Variants in CUL3 observed in about 807,000 individuals in gnomAD.
The protein encoded by CUL3 is cullin 3.
CUL3 carries 19 observed loss-of-function variants against 89.1 expected under a neutral mutation model. That is an observed-to-expected ratio of 0.21 (90% CI 0.15 to 0.31). The LOEUF (loss-of-function observed/expected upper bound fraction) is 0.31. Ranked by LOEUF, CUL3 falls within the 10% of genes least tolerant of loss-of-function variation. The probability of loss-of-function intolerance (pLI) is 1.00; values close to 1 mark genes in which losing one functional copy is unlikely to be tolerated. For missense variants in CUL3, 469 were observed against 942.3 expected (o/e 0.50, Z 6.58); for synonymous variants, 351 against 308.4 (o/e 1.14, Z -1.45).
intron 13 of CUL3, among the ~76,000 whole-genome samples, chr2:224,482,902 CTT>C (rs1391876852): frequency 6.6e-6 from 1 of 152,126 alleles, no homozygotes; most frequent in Non-Finnish European, 1.5e-5. Flanking sequence ...CTATCTGTCT[CTT>C]TCTCAAAAGC....
chr2:224,517,760 A>G (rs1693116167), intron 3 of CUL3, among the ~76,000 whole-genome samples: 1 of 152,194 alleles, frequency 6.6e-6, no homozygotes, highest in Non-Finnish European at 1.5e-5. Flanking sequence ...CATGAACTAG[A>G]GGCATTTGTG....
At chr2:224,575,433 G>C (rs903159690) in intron 1 of CUL3, among the ~76,000 whole-genome samples, 8 of 152,134 alleles carry the variant, frequency 5.3e-5, no homozygotes, top group African/African-American at 1.9e-4. Flanking sequence ...GCTATTTCTG[G>C]CCTTGTTCTG....
At position 224,557,785 on chromosome 2, in the gene CUL3, A is replaced by T. The variant is rs1694759812; in HGVS notation, c.138T>A (p.Arg46=). The change falls in exon 2 of 16, where the codon CGT becomes CGA. Residue 46 remains arginine (R), a synonymous_variant. Coordinates refer to ENST00000264414, the MANE Select transcript of CUL3 (RefSeq NM_003590.5). ...LLKNAIQEIQ[R]KNNSGLSFEE... ...CAAAACTAAGACCACTGTTATTCTT[A>T]CGCTGGATTTCTTGAATTGCATTTT... The T allele has an allele frequency of 6.3e-7, 1 of 1,589,662 alleles. No individual in the cohort carries two copies. The highest frequency in any genetic ancestry group is 1.7e-5 in the Admixed American group (1 of 58,068).
intron 15 of CUL3, among the ~76,000 whole-genome samples, chr2:224,476,003 T>C (rs768484771): frequency 6.6e-6 from 1 of 151,530 alleles, no homozygotes; most frequent in African/African-American, 2.4e-5. Context: ...TGAAACACAG[T>C]CACATGTATT....
chr2:224,476,474 G>A (rs1382540411), intron 15 of CUL3, among the ~76,000 whole-genome samples: 1 of 152,098 alleles, frequency 6.6e-6, no homozygotes, highest in Admixed American at 6.5e-5. Context: ...TCAAATTTCT[G>A]ACAATCCCCT....
chr2:224,563,520 G>A (rs1414417376), intron 1 of CUL3, among the ~76,000 whole-genome samples: 2 of 152,102 alleles, frequency 1.3e-5, no homozygotes, highest in East Asian at 1.9e-4. Context: ...TCTTAAAGAA[G>A]ATAAACTACA....
chr2:224,571,700 A>G (rs1396969613), intron 1 of CUL3, among the ~76,000 whole-genome samples: 1 of 152,246 alleles, frequency 6.6e-6, no homozygotes, highest in Non-Finnish European at 1.5e-5. Flanking sequence ...ACTGCTTCAC[A>G]TTAGAACTTA....
intron 13 of CUL3, among the ~76,000 whole-genome samples, chr2:224,494,682 A>G (rs773112227): frequency 1.3e-5 from 2 of 152,216 alleles, no homozygotes; most frequent in Non-Finnish European, 2.9e-5. Flanking sequence ...ATGCTGGAAC[A>G]AACAACTGAC....
chr2:224,524,342 C>T (rs1693385364), intron 3 of CUL3, among the ~76,000 whole-genome samples: 1 of 152,056 alleles, frequency 6.6e-6, no homozygotes, highest in Non-Finnish European at 1.5e-5. Flanking sequence ...GAGAGAAACA[C>T]AAAGAGCCGC....
Position 224,496,072 on chromosome 2 carries a change from C to T in CUL3, c.1708-106G>A. On this transcript the variant is annotated intron_variant, in intron 12 of 15. Coordinates refer to ENST00000264414, the MANE Select transcript of CUL3 (RefSeq NM_003590.5). ...ATGTTACAGGGTCTCACTTTGTCAT[C>T]CAGGCTACAGTGCAGTGGCGCAAAC... The T allele has an allele frequency of 7.0e-6, 9 of 1,284,144 alleles. No homozygotes were observed. In the East Asian group the frequency reaches 1.9e-4, roughly 28 times the overall value. The allele number at this position is 1,284,144 out of a possible 1,614,324, so 79.5% of individuals were successfully genotyped here.
In CUL3 at chr2:224,543,162, T is replaced by C. The variant is rs189023081; in HGVS notation, c.265-7521A>G. Among the ~76,000 whole-genome samples the C allele has an allele frequency of 1.6e-3, 244 of 152,324 alleles. 1 individual carries two copies. The highest frequency in any genetic ancestry group is 3.4e-3 in the Middle Eastern group (1 of 294). ...TTAAAAACTTTAATTCTAAAGTTCATTGAAACTAAAACAGAGTCACATAAT... is the reference window on the plus strand; with the variant it reads ...TTAAAAACTTTAATTCTAAAGTTCACTGAAACTAAAACAGAGTCACATAAT... On this transcript the variant is annotated intron_variant, in intron 2 of 15. Transcript: ENST00000264414.
At chr2:224,526,802 G>A (rs1001671661) in intron 3 of CUL3, among the ~76,000 whole-genome samples, 3 of 145,564 alleles carry the variant, frequency 2.1e-5, no homozygotes, top group South Asian at 4.3e-4. Flanking sequence ...GGGCGACAGA[G>A]CAAGACTAAG....
chr2:224,547,080 T>C (rs1370665296), intron 2 of CUL3, among the ~76,000 whole-genome samples: 4 of 152,186 alleles, frequency 2.6e-5, no homozygotes, highest in Admixed American at 2.0e-4. Context: ...CAAGACAAGA[T>C]AGCATGAAAA....
intron 3 of CUL3, among the ~76,000 whole-genome samples, chr2:224,517,927 T>C (rs1693126234): frequency 6.6e-6 from 1 of 151,958 alleles, no homozygotes; most frequent in South Asian, 2.1e-4. Context: ...AAAAATTTTA[T>C]TTTTTTCACA....
chr2:224,506,206 G>A (rs990503836), intron 7 of CUL3, 74 bp from the exon 8 acceptor site: 2 of 1,001,520 alleles, frequency 2.0e-6, no homozygotes, highest in South Asian at 2.4e-5. Flanking sequence ...GACCATGTAT[G>A]TTTATCTTAA....
chr2:224,570,550 A>G lies in CUL3; in HGVS notation c.67-12694T>C, dbSNP rs534762062. On this transcript the variant is annotated intron_variant, in intron 1 of 15. Coordinates refer to ENST00000264414, the MANE Select transcript of CUL3 (RefSeq NM_003590.5). The stretch of plus-strand genomic sequence containing the variant: ...GATTAGTGACTTAAAACTGAATGTA[A>G]AAACTACTGATGTTTGGTTAACTGG... Among the ~76,000 whole-genome samples the G allele has an allele frequency of 5.3e-5, 8 of 152,324 alleles. No homozygotes were observed. In the East Asian group the frequency reaches 1.5e-3, roughly 29 times the overall value.
At chr2:224,553,837 T>C (rs1694605797) in intron 2 of CUL3, among the ~76,000 whole-genome samples, 1 of 152,200 alleles carries the variant, frequency 6.6e-6, no homozygotes, top group South Asian at 2.1e-4. Flanking sequence ...GTGAGAAATA[T>C]TTGTTTAAGC....
intron 3 of CUL3, among the ~76,000 whole-genome samples, chr2:224,519,861 A>G (rs1449488234): frequency 6.6e-6 from 1 of 152,114 alleles, no homozygotes; most frequent in Non-Finnish European, 1.5e-5. Context: ...AGATTTTTTA[A>G]AAGTCCCAGC....
chr2:224,478,164 T>G (rs781778094), intron 15 of CUL3, 36 bp downstream of exon 15: 2 of 1,525,594 alleles, frequency 1.3e-6, no homozygotes. Flanking sequence ...ATGTTACTGT[T>G]TTTTCTATAT....
Sources: allele counts gnomAD v4.1 joint callset (sites outside exome capture counted in the v4.1 genomes callset), GRCh38; gene constraint gnomAD v4.1.1; transcripts MANE v1.5; gene names NCBI Gene and HGNC (gene_info 2026-07-23, HGNC 2026-07-21).